ARHGAP24: variants seen among roughly 807,000 people sequenced by gnomAD.
ARHGAP24 encodes rho GTPase-activating protein 24.
In ARHGAP24, 50 loss-of-function variants were observed where a neutral mutation model predicts 76.4. The ratio of observed to expected loss-of-function variants is 0.65; its 90% CI spans 0.52 to 0.83. ARHGAP24 has a LOEUF of 0.83. ARHGAP24 is among the 40% of genes least tolerant of loss of function. The pLI, the probability that ARHGAP24 is intolerant of heterozygous loss-of-function variation, is 0.00. For missense variants in ARHGAP24, 930 were observed against 914.2 expected, an observed-to-expected ratio of 1.02 and a Z score of -0.22; for synonymous variants, 345 against 323.3, an observed-to-expected ratio of 1.07 and a Z score of -0.72.
At position 85,942,062 on chromosome 4, in the gene ARHGAP24, T is replaced by TA. The variant is rs1736978940; in HGVS notation, c.392-2dup. 1.2e-6 allele frequency: 2 copies of TA among 1,608,258 alleles called. No homozygotes were observed. Among genetic ancestry groups the TA allele is most frequent in the African/African-American group, 2.7e-5 (2 of 74,322 alleles). On this transcript the variant is annotated splice_polypyrimidine_tract_variant and splice_region_variant and intron_variant, in intron 4 of 9. Coordinates refer to ENST00000395184, the MANE Select transcript of ARHGAP24 (RefSeq NM_001025616.3). ...CAAGTTTACTGTGATCCTTTTTTTT[T>TA]AAGGCATTTTTGGACAGAAACTGGA...
chr4:85,924,217 A>T (rs1735893067), intron 4 of ARHGAP24, among the ~76,000 whole-genome samples: 1 of 152,198 alleles, frequency 6.6e-6, no homozygotes, highest in Non-Finnish European at 1.5e-5. Context: ...TGATTATTGG[A>T]GTAAAAACAT....
At chr4:85,649,740 C>T (rs921544794) in intron 2 of ARHGAP24, among the ~76,000 whole-genome samples, 3 of 152,136 alleles carry the variant, frequency 2.0e-5, no homozygotes, top group African/African-American at 7.2e-5. Flanking sequence ...TTTCTTCATT[C>T]ATTCACATTC....
rs568996179 is a variant in ARHGAP24 at position 85,486,465 on chromosome 4, T to C, written c.-21+10906T>C. ...AAGTTAAAAGATTGAGTTTTAACTT[T>C]ATTTTGTGAAATCATCTGGGAAATT... On this transcript the variant is annotated intron_variant, in intron 1 of 9. Transcript: ENST00000395184. Among the ~76,000 whole-genome samples the C allele has an allele frequency of 6.6e-5, 10 of 152,326 alleles. 1 individual carries two copies. Among genetic ancestry groups the C allele is most frequent in the Admixed American group, 6.5e-4 (10 of 15,306 alleles).
chr4:85,885,252 C>T (rs371916971), intron 3 of ARHGAP24, among the ~76,000 whole-genome samples: 4 of 152,046 alleles, frequency 2.6e-5, no homozygotes. Context: ...CTATATAACT[C>T]CCCTAGCCTT....
At chr4:85,655,828 GAGAGAGAGAGAGAGAGAC>G (rs1722144896) in intron 2 of ARHGAP24, among the ~76,000 whole-genome samples, 2 of 100,830 alleles carry the variant, frequency 2.0e-5, no homozygotes, top group African/African-American at 8.0e-5. Context: ...AAGAGAGAGA[GAGAGAGAGAGAGAGAGAC>G]AGAGAGGAAG....
At chr4:85,983,164 C>T (rs1578465960) in intron 8 of ARHGAP24, among the ~76,000 whole-genome samples, 1 of 152,166 alleles carries the variant, frequency 6.6e-6, no homozygotes, top group African/African-American at 2.4e-5. Flanking sequence ...TTTTCTTTAT[C>T]CAGTCTATCA....
intron 3 of ARHGAP24, among the ~76,000 whole-genome samples, chr4:85,894,997 A>G (rs1560701748): frequency 3.9e-4 from 15 of 38,358 alleles, no homozygotes; most frequent in East Asian, 1.0e-3. Context: ...AACAAAACAA[A>G]AAGCAAAAAA....
intron 2 of ARHGAP24, among the ~76,000 whole-genome samples, chr4:85,721,644 G>C (rs1287809485): frequency 6.6e-6 from 1 of 152,126 alleles, no homozygotes; most frequent in African/African-American, 2.4e-5. Context: ...TGCTTAAGAT[G>C]AATCTAGCAG....
Position 85,696,533 on chromosome 4 carries a change from A to G in ARHGAP24, c.181-25352A>G, listed in dbSNP as rs558123004. ...TACCTGAGTCATTTCAGATTCATGAATTGTTTCCTTCCTTTTGTTAGCGTA... is the reference window on the plus strand; with the variant it reads ...TACCTGAGTCATTTCAGATTCATGAGTTGTTTCCTTCCTTTTGTTAGCGTA... On this transcript the variant is annotated intron_variant, in intron 2 of 9. Transcript: ENST00000395184. 1.2e-4 allele frequency among the ~76,000 whole-genome samples: 19 copies of G among 152,312 alleles called. No individual in the cohort carries two copies. In the East Asian group the frequency reaches 3.5e-3, roughly 28 times the overall value.
intron 2 of ARHGAP24, among the ~76,000 whole-genome samples, chr4:85,656,827 T>A (rs1049139246): frequency 2.0e-5 from 3 of 152,120 alleles, no homozygotes; most frequent in Non-Finnish European, 4.4e-5. Context: ...TAATAATGAT[T>A]TTTGGCCATA....
intron 3 of ARHGAP24, among the ~76,000 whole-genome samples, chr4:85,902,176 T>C (rs921314734): frequency 6.7e-6 from 1 of 148,676 alleles, no homozygotes; most frequent in Non-Finnish European, 1.5e-5. Context: ...TATGGCTGCG[T>C]ATCTGTCACA....
chr4:85,757,440 C>G (rs1375639092), intron 3 of ARHGAP24, among the ~76,000 whole-genome samples: 1 of 150,802 alleles, frequency 6.6e-6, no homozygotes, highest in African/African-American at 2.4e-5. Context: ...TTGTTCAATT[C>G]CCAGCTATGA....
chr4:85,622,098 A>C (rs1285509636), intron 2 of ARHGAP24, among the ~76,000 whole-genome samples: 2 of 151,588 alleles, frequency 1.3e-5, no homozygotes, highest in Non-Finnish European at 2.9e-5. Context: ...CTTTTTTAAA[A>C]ATTTTATTAT....
At chr4:85,942,824 A>G (rs1560734858) in intron 5 of ARHGAP24, among the ~76,000 whole-genome samples, 1 of 152,132 alleles carries the variant, frequency 6.6e-6, no homozygotes, top group Admixed American at 6.6e-5. Flanking sequence ...TCCTAACTCC[A>G]CTAATAAAGA....
chr4:85,693,611 C>G (rs1195603119), intron 2 of ARHGAP24, among the ~76,000 whole-genome samples: 3 of 152,204 alleles, frequency 2.0e-5, no homozygotes, highest in Non-Finnish European at 2.9e-5. Context: ...TCCCAGGCCA[C>G]TAGAAACATA....
intron 1 of ARHGAP24, among the ~76,000 whole-genome samples, chr4:85,505,695 G>T (rs558357645): frequency 2.0e-5 from 3 of 152,102 alleles, no homozygotes; most frequent in East Asian, 1.9e-4. Context: ...AGAGAAGATT[G>T]TTATTACCGA....
At chr4:85,496,016 T>C (rs1002769116) in intron 1 of ARHGAP24, among the ~76,000 whole-genome samples, 6 of 152,378 alleles carry the variant, frequency 3.9e-5, no homozygotes, top group African/African-American at 1.4e-4. Flanking sequence ...ATCTTTGTTG[T>C]GAGATTTTCA....
chr4:85,551,068 G>T lies in ARHGAP24; in HGVS notation c.-20-19454G>T, dbSNP rs183107079. 2.6e-3 allele frequency among the ~76,000 whole-genome samples: 389 copies of T among 152,270 alleles called. 3 individuals carry two copies. Among genetic ancestry groups the T allele is most frequent in the African/African-American group, 8.8e-3 (367 of 41,566 alleles). ...TGACCAAGACTTCCATTACTATGTT[G>T]AATAGGAGTGGTGAGAGAGGGCATC... On this transcript the variant is annotated intron_variant, in intron 1 of 9. Coordinates refer to ENST00000395184, the MANE Select transcript of ARHGAP24 (RefSeq NM_001025616.3).
intron 3 of ARHGAP24, among the ~76,000 whole-genome samples, chr4:85,873,896 C>T (rs1386441809): frequency 6.6e-6 from 1 of 152,096 alleles, no homozygotes; most frequent in Non-Finnish European, 1.5e-5. Context: ...TTTGACCATG[C>T]AGTTAATTGT....
Sources: gnomAD v4.1 joint callset for allele counts (sites outside exome capture counted in the v4.1 genomes callset) on GRCh38, gnomAD v4.1.1 for gene constraint, MANE v1.5 for transcripts, NCBI Gene and HGNC (gene_info 2026-07-23, HGNC 2026-07-21) for gene names.